Variants in CDK6 observed in about 807,000 individuals in gnomAD.
CDK6 encodes cyclin dependent kinase 6, also known as cyclin-dependent kinase 6.
In CDK6, 6 loss-of-function variants were observed where a neutral mutation model predicts 37.1. The observed-to-expected ratio is 0.16, with a 90% CI of 0.09 to 0.32. The LOEUF (loss-of-function observed/expected upper bound fraction) is 0.32, where lower values mean the gene tolerates loss of function less well. CDK6 is among the 10% of genes least tolerant of loss of function. CDK6 has a pLI of 1.00. For missense variants in CDK6, 224 were observed against 418.9 expected, an observed-to-expected ratio of 0.53 and a Z score of 4.06; for synonymous variants, 160 against 161.3, an observed-to-expected ratio of 0.99 and a Z score of 0.06.
At chr7:92,726,937 GTTAA>G (rs1247940971) in intron 3 of CDK6, among the ~76,000 whole-genome samples, 36 of 152,296 alleles carry the variant, frequency 2.4e-4, no homozygotes, top group African/African-American at 7.9e-4. Context: ...TAGCACCATA[GTTAA>G]TATTCAGTAA....
chr7:92,795,600 C>T (rs919533613), intron 2 of CDK6, among the ~76,000 whole-genome samples: 3 of 151,964 alleles, frequency 2.0e-5, no homozygotes, highest in African/African-American at 7.2e-5. Context: ...CTAGATAAGC[C>T]CTGTCCCAGT....
At chr7:92,643,798 C>T (rs149421391) in intron 5 of CDK6, among the ~76,000 whole-genome samples, 1 of 152,188 alleles carries the variant, frequency 6.6e-6, no homozygotes, top group Non-Finnish European at 1.5e-5. Context: ...GGGACACTTA[C>T]TATTCAGTCT....
At position 92,834,692 on chromosome 7, in the gene CDK6, G is replaced by A. The variant is rs1238845620; in HGVS notation, c.-367-1002C>T. On this transcript the variant is annotated intron_variant, in intron 1 of 7. Coordinates refer to ENST00000424848, the MANE Select transcript of CDK6 (RefSeq NM_001145306.2). The surrounding 1 kb of genome is among the most constrained non-coding windows in gnomAD (Gnocchi z 4.6). The stretch of plus-strand genomic sequence containing the variant: ...CCTTTCAAAGGGTGGGGGGTGGGGG[G>A]TTAAATCCTGCGCCTCCAGGGGTGA... 1.4e-5 allele frequency among the ~76,000 whole-genome samples: 2 copies of A among 147,640 alleles called. No homozygotes were observed. Among genetic ancestry groups the A allele is most frequent in the Non-Finnish European group, 3.0e-5 (2 of 66,594 alleles).
intron 4 of CDK6, among the ~76,000 whole-genome samples, chr7:92,722,331 C>T (rs1159773626): frequency 6.6e-6 from 1 of 152,090 alleles, no homozygotes; most frequent in Non-Finnish European, 1.5e-5. Context: ...AGTAAAATTA[C>T]AATAATGCTA....
chr7:92,695,113 T>C (rs934803462), intron 4 of CDK6, among the ~76,000 whole-genome samples: 10 of 152,034 alleles, frequency 6.6e-5, no homozygotes, highest in African/African-American at 2.2e-4. Context: ...ATGTCAATAA[T>C]AGACTTTTAA....
rs146752924 is a variant in CDK6 at position 92,691,335 on chromosome 7, A to G, written c.538-19800T>C. On this transcript the variant is annotated intron_variant, in intron 4 of 7. Coordinates refer to ENST00000424848, the MANE Select transcript of CDK6 (RefSeq NM_001145306.2). Reference sequence around the variant, plus strand: ...CTACAGAAACACAGATGACTTCATTAAACAGAATGGGTGATTTATTGCTCC... The same window carrying G: ...CTACAGAAACACAGATGACTTCATTGAACAGAATGGGTGATTTATTGCTCC... Among the ~76,000 whole-genome samples the G allele has an allele frequency of 2.7e-3, 410 of 152,352 alleles. 1 individual carries two copies. The highest frequency in any genetic ancestry group is 9.4e-3 in the African/African-American group (390 of 41,584).
At chr7:92,761,651 T>C (rs773649534) in intron 3 of CDK6, among the ~76,000 whole-genome samples, 2 of 152,208 alleles carry the variant, frequency 1.3e-5, no homozygotes, top group Non-Finnish European at 2.9e-5. Flanking sequence ...GGAAGAAAGC[T>C]CAATTTATTT....
In CDK6 at chr7:92,813,899, T is replaced by C. The variant is rs568662529; in HGVS notation, c.233+19192A>G. 7.9e-5 allele frequency among the ~76,000 whole-genome samples: 12 copies of C among 152,298 alleles called. No homozygotes were observed. The South Asian group carries it at 1.9e-3, about 24-fold the overall frequency. On this transcript the variant is annotated intron_variant, in intron 2 of 7. Transcript: ENST00000424848. The stretch of plus-strand genomic sequence containing the variant: ...GACTTCATAGGAAAAAAAAGTCTCA[T>C]AGACCTTGCTTTTTCACTTCCTGTC...
chr7:92,641,845 G>A (rs1353117675), intron 5 of CDK6, among the ~76,000 whole-genome samples: 1 of 152,134 alleles, frequency 6.6e-6, no homozygotes, highest in East Asian at 1.9e-4. Context: ...CTCTTTACTT[G>A]ACTAAAACCA....
chr7:92,722,497 C>A (rs1055930276), intron 4 of CDK6, among the ~76,000 whole-genome samples: 1 of 152,184 alleles, frequency 6.6e-6, no homozygotes, highest in Non-Finnish European at 1.5e-5. Context: ...TGAGATTGAG[C>A]TACAGCATGT....
At chr7:92,786,951 A>AG (rs1405517833) in intron 2 of CDK6, among the ~76,000 whole-genome samples, 4 of 151,978 alleles carry the variant, frequency 2.6e-5, no homozygotes, top group East Asian at 1.9e-4. Context: ...TGGGAGGCTG[A>AG]GGGGGGTGGA....
intron 4 of CDK6, 58 bp downstream of exon 4, chr7:92,725,568 A>G: frequency 6.6e-7 from 1 of 1,510,736 alleles, no homozygotes; most frequent in Non-Finnish European, 9.1e-7. Flanking sequence ...AGAGGGACAG[A>G]CTGTCATTCA....
At chr7:92,637,370 T>A (rs530997704) in intron 5 of CDK6, among the ~76,000 whole-genome samples, 35 of 152,342 alleles carry the variant, frequency 2.3e-4, no homozygotes, top group African/African-American at 7.0e-4. Context: ...GAGGGACACA[T>A]TTTCCTTGAA....
chr7:92,668,001 C>T (rs1796996798), intron 5 of CDK6, among the ~76,000 whole-genome samples: 1 of 152,162 alleles, frequency 6.6e-6, no homozygotes, highest in Admixed American at 6.5e-5. Context: ...ACATCCTAGG[C>T]CTTCAATTCA....
intron 3 of CDK6, among the ~76,000 whole-genome samples, chr7:92,765,216 T>C (rs1799551239): frequency 6.6e-6 from 1 of 152,158 alleles, no homozygotes; most frequent in Admixed American, 6.5e-5. Flanking sequence ...GGGTCTAAAA[T>C]TCATGACATC....
chr7:92,711,460 T>C (rs1033646743), intron 4 of CDK6, among the ~76,000 whole-genome samples: 1 of 151,734 alleles, frequency 6.6e-6, no homozygotes, highest in Non-Finnish European at 1.5e-5. Flanking sequence ...TAAAAGTTCA[T>C]TTAACAAACT....
chr7:92,770,138 C>T (rs1017082395), intron 3 of CDK6, among the ~76,000 whole-genome samples: 2 of 152,068 alleles, frequency 1.3e-5, no homozygotes, highest in Non-Finnish European at 2.9e-5. Flanking sequence ...GATATGTCAA[C>T]AATAAGTCTA....
chr7:92,710,889 G>A (rs1443427173), intron 4 of CDK6: 1 of 982,842 alleles, frequency 1.0e-6, no homozygotes, highest in Non-Finnish European at 1.2e-6. Flanking sequence ...GTCAGACACA[G>A]AAAGGGCTGA....
At chr7:92,734,204 G>A (rs1798724290) in intron 3 of CDK6, among the ~76,000 whole-genome samples, 1 of 152,044 alleles carries the variant, frequency 6.6e-6, no homozygotes, top group South Asian at 2.1e-4. Context: ...CAGTAAAGTC[G>A]TGTCTTTTTA....
Sources: gnomAD v4.1 joint callset for allele counts (sites outside exome capture counted in the v4.1 genomes callset) on GRCh38, gnomAD v4.1.1 for gene constraint, Gnocchi (gnomAD v3.1) non-coding constraint, MANE v1.5 for transcripts, NCBI Gene and HGNC (gene_info 2026-07-23, HGNC 2026-07-21) for gene names.